HS3ST4: variants seen among roughly 807,000 people sequenced by gnomAD.
HS3ST4 encodes heparan sulfate glucosamine 3-O-sulfotransferase 4.
HS3ST4 carries 17 observed loss-of-function variants against 29.2 expected under a neutral mutation model. That is an observed-to-expected ratio of 0.58 (90% CI 0.40 to 0.87). HS3ST4 has a LOEUF of 0.87. Ranked by LOEUF, HS3ST4 falls within the 40% of genes least tolerant of loss-of-function variation. HS3ST4 has a pLI of 0.00. For synonymous variants in HS3ST4, 314 were observed against 285.7 expected, an observed-to-expected ratio of 1.10 and a Z score of -1.00; for missense variants, 627 against 634.5, an observed-to-expected ratio of 0.99 and a Z score of 0.13.
intron 1 of HS3ST4, among the ~76,000 whole-genome samples, chr16:25,836,762 C>T (rs975016476): frequency 1.3e-5 from 2 of 152,034 alleles, no homozygotes; most frequent in African/African-American, 2.4e-5. Flanking sequence ...TTACAATAGA[C>T]CCAGAATATA....
rs1226883749 is a variant in HS3ST4, at chr16:25,996,614, T to C, written c.735-138998T>C. 3.3e-5 allele frequency among the ~76,000 whole-genome samples: 5 copies of C among 152,180 alleles called. No homozygotes were observed. In the East Asian group the frequency reaches 9.6e-4, roughly 29 times the overall value. ...ATGCAACTTATCTCAAGGTTAATTTTCCCCCAATCTATTTATTCACTTGTA... is the reference window on the plus strand; with the variant it reads ...ATGCAACTTATCTCAAGGTTAATTTCCCCCCAATCTATTTATTCACTTGTA... On this transcript the variant is annotated intron_variant, in intron 1 of 1. Transcript: ENST00000331351.
chr16:26,136,104 A>C lies in HS3ST4; in HGVS notation c.1227A>C (p.Leu409Phe). 6.2e-7 allele frequency: 1 copy of C among 1,613,754 alleles called. No individual in the cohort carries two copies. ...KPEDSSAPRC[L>F]GKSKGRTHPR... ...AAGACAGCAGTGCCCCGAGGTGCTT[A>C]GGCAAGAGCAAAGGTCGGACTCATC... Residue 409 changes from leucine (L) to phenylalanine (F), a missense_variant, in exon 2 of 2, where the codon TTA becomes TTC. Physicochemically the swap from Leu to Phe is conservative, Grantham distance 22 (BLOSUM62 0). Coordinates refer to ENST00000331351, the MANE Select transcript of HS3ST4 (RefSeq NM_006040.3).
chr16:25,845,087 T>C (rs943945020), intron 1 of HS3ST4, among the ~76,000 whole-genome samples: 1 of 152,106 alleles, frequency 6.6e-6, no homozygotes, highest in Non-Finnish European at 1.5e-5. Flanking sequence ...TAAAAATAGC[T>C]AATGGATGCT....
chr16:25,781,853 CT>C (rs1966852916), intron 1 of HS3ST4, among the ~76,000 whole-genome samples: 1 of 152,140 alleles, frequency 6.6e-6, no homozygotes, highest in African/African-American at 2.4e-5. Context: ...CTGAAAGCTT[CT>C]AGTCATCTTC....
At chr16:25,765,680 G>T (rs1443659561) in intron 1 of HS3ST4, among the ~76,000 whole-genome samples, 4 of 152,122 alleles carry the variant, frequency 2.6e-5, no homozygotes, top group African/African-American at 9.7e-5. Flanking sequence ...CAGTCCCAGG[G>T]GAGCACCCTC....
At chr16:25,851,659 A>C (rs1002977406) in intron 1 of HS3ST4, among the ~76,000 whole-genome samples, 5 of 152,098 alleles carry the variant, frequency 3.3e-5, no homozygotes, top group African/African-American at 9.7e-5. Flanking sequence ...TTGGATATAC[A>C]ATCTTTGTTG....
chr16:25,811,529 G>C (rs1236390876), intron 1 of HS3ST4, among the ~76,000 whole-genome samples: 1 of 148,250 alleles, frequency 6.7e-6, no homozygotes, highest in Admixed American at 6.9e-5. Context: ...CGCCTCCCAG[G>C]TTCAAGTGAT....
intron 1 of HS3ST4, among the ~76,000 whole-genome samples, chr16:25,743,806 A>G (rs1966669761): frequency 6.6e-6 from 1 of 152,124 alleles, no homozygotes; most frequent in South Asian, 2.1e-4. Context: ...CACCTTGGCC[A>G]TTTGATGGAT....
At chr16:25,855,258 T>C (rs1278301307) in intron 1 of HS3ST4, among the ~76,000 whole-genome samples, 1 of 152,158 alleles carries the variant, frequency 6.6e-6, no homozygotes, top group Non-Finnish European at 1.5e-5. Context: ...TCAAAGTTCT[T>C]GTTATGTAGA....
At chr16:25,851,232 G>A (rs575914911) in intron 1 of HS3ST4, among the ~76,000 whole-genome samples, 3 of 152,258 alleles carry the variant, frequency 2.0e-5, no homozygotes, top group African/African-American at 7.2e-5. Flanking sequence ...GATGCCTGGC[G>A]GGTTGGTCAC....
intron 1 of HS3ST4, among the ~76,000 whole-genome samples, chr16:25,796,478 A>G (rs1258628508): frequency 6.6e-6 from 1 of 152,186 alleles, no homozygotes; most frequent in East Asian, 1.9e-4. Flanking sequence ...TATGACACTC[A>G]TGTCTGTCTT....
intron 1 of HS3ST4, among the ~76,000 whole-genome samples, chr16:26,043,976 C>A (rs62034539): frequency 0.085 from 12,927 of 152,268 alleles, 703 homozygotes; most frequent in East Asian, 0.18. Context: ...CAGCTAGGAT[C>A]CTCCCTGAAT....
chr16:25,890,913 A>G (rs1968001221), intron 1 of HS3ST4, among the ~76,000 whole-genome samples: 1 of 152,020 alleles, frequency 6.6e-6, no homozygotes, highest in Non-Finnish European at 1.5e-5. Context: ...TCCATTTCTG[A>G]GCCATGATTG....
At chr16:25,907,085 G>C (rs1052497582) in intron 1 of HS3ST4, among the ~76,000 whole-genome samples, 1 of 152,082 alleles carries the variant, frequency 6.6e-6, no homozygotes, top group Non-Finnish European at 1.5e-5. Context: ...TAGTCCTAGC[G>C]ACTAGAGAGG....
chr16:25,957,796 A>G (rs970685940), intron 1 of HS3ST4, among the ~76,000 whole-genome samples: 8 of 152,302 alleles, frequency 5.3e-5, no homozygotes, highest in Middle Eastern at 3.4e-3. Flanking sequence ...TGTTTGGCTC[A>G]GTTTGGTGTT....
At chr16:25,910,312 A>G (rs1354405118) in intron 1 of HS3ST4, among the ~76,000 whole-genome samples, 2 of 152,212 alleles carry the variant, frequency 1.3e-5, no homozygotes, top group African/African-American at 2.4e-5. Context: ...CCGATGTTAC[A>G]TCAGAGTCCA....
rs987035787 is a variant in HS3ST4 at position 25,783,376 on chromosome 16, G to T, written c.734+90225G>T. 2.6e-5 allele frequency among the ~76,000 whole-genome samples: 4 copies of T among 152,018 alleles called. 1 individual carries two copies. Among genetic ancestry groups the T allele is most frequent in the Non-Finnish European group, 5.9e-5 (4 of 68,008 alleles). ...AGAACCACAGGGGTTTAACTTCCCT[G>T]CCCTCTGTTTTAACAGCCGCTGCAT... On this transcript the variant is annotated intron_variant, in intron 1 of 1. Transcript: ENST00000331351.
chr16:25,976,436 G>A (rs921623638), intron 1 of HS3ST4, among the ~76,000 whole-genome samples: 2 of 152,148 alleles, frequency 1.3e-5, no homozygotes, highest in Admixed American at 1.3e-4. Flanking sequence ...TTCCCTAGTA[G>A]CTGGGACTAC....
intron 1 of HS3ST4, among the ~76,000 whole-genome samples, chr16:25,968,705 A>G (rs1037884857): frequency 3.3e-5 from 5 of 152,222 alleles, no homozygotes; most frequent in African/African-American, 7.2e-5. Flanking sequence ...TATTTCTTCA[A>G]CTTTAAAATT....
Sources: gnomAD v4.1 joint callset for allele counts (sites outside exome capture counted in the v4.1 genomes callset) on GRCh38, gnomAD v4.1.1 for gene constraint, MANE v1.5 for transcripts, NCBI Gene and HGNC (gene_info 2026-07-23, HGNC 2026-07-21) for gene names.